Variants in ABCC11 observed in about 807,000 individuals in gnomAD.
The protein encoded by ABCC11 is ATP binding cassette subfamily C member 11.
In ABCC11, 135 loss-of-function variants were observed where a neutral mutation model predicts 149.3. The ratio of observed to expected loss-of-function variants is 0.90; its 90% CI spans 0.79 to 1.04. The LOEUF is 1.04. Ranked by LOEUF, ABCC11 falls within the 50% of genes least tolerant of loss-of-function variation. ABCC11 has a pLI of 0.00. For synonymous variants in ABCC11, 665 were observed against 671.4 expected (o/e 0.99, Z 0.15); for missense variants, 1,680 against 1,722.1 (o/e 0.98, Z 0.43).
Position 48,177,012 on chromosome 16 carries a change from G to A in ABCC11, c.3450C>T (p.Tyr1150=). ...EIIFQDYHMK[Y]RDNTPTVLHG... ...GAAGCACGGTGGGTGTGTTGTCTCTGTATTTCATGTGATAATCCTGAAATA... is the reference window on the plus strand; with the variant it reads ...GAAGCACGGTGGGTGTGTTGTCTCTATATTTCATGTGATAATCCTGAAATA... The change falls in exon 25 of 30, where the codon TAC becomes TAT. Residue 1150 remains tyrosine, a synonymous_variant. Coordinates refer to ENST00000356608, the MANE Select transcript of ABCC11 (RefSeq NM_001370497.1). 6.2e-7 allele frequency: 1 copy of A among 1,614,202 alleles called. No individual in the cohort carries two copies. The highest frequency in any genetic ancestry group is 8.5e-7 in the Non-Finnish European group (1 of 1,180,030).
At chr16:48,240,101 C>G (rs112433800) in intron 1 of ABCC11, among the ~76,000 whole-genome samples, 1 of 152,042 alleles carries the variant, frequency 6.6e-6, no homozygotes, top group African/African-American at 2.4e-5. Flanking sequence ...TTGACCATTG[C>G]GGAAGACAGT....
At chr16:48,175,096 C>A (rs1182075541) in intron 26 of ABCC11, among the ~76,000 whole-genome samples, 162 bp downstream of exon 26, 1 of 152,264 alleles carries the variant, frequency 6.6e-6, no homozygotes, top group Non-Finnish European at 1.5e-5. Context: ...TAATCCTCAA[C>A]AGTACTTCAG....
intron 17 of ABCC11, 133 bp downstream of exon 17, chr16:48,197,838 G>T: frequency 1.1e-6 from 1 of 924,180 alleles, no homozygotes; most frequent in Non-Finnish European, 1.6e-6. Context: ...TCTGGAACCT[G>T]TGTATGTAAA....
In ABCC11 at chr16:48,215,198, T is replaced by C; in HGVS notation, c.1098A>G (p.Glu366=). ...TWEKPFAKII[E]DLRRKERKLL... ...AGCAGAAAGTCAGACTTTCCATACC[T>C]TCAATGATTTTTGCAAATGGTTTCT... The change falls in exon 8 of 30, where the codon GAA becomes GAG. Residue 366 remains glutamate, a splice_region_variant and synonymous_variant. Transcript: ENST00000356608. 2 of 1,607,646 alleles carry C rather than the reference T, an allele frequency of 1.2e-6. No homozygotes were observed. The highest frequency in any genetic ancestry group is 1.7e-4 in the Middle Eastern group (1 of 6,050).
Position 48,237,990 on chromosome 16 carries a change from G to A in ABCC11, c.-18-6051C>T, listed in dbSNP as rs534785318. ...TTCCTTATTTCTTTCCTTGCTTATT[G>A]TTTGTTTTTCCCACTAGAATGTCAG... On this transcript the variant is annotated intron_variant, in intron 1 of 29. Coordinates refer to ENST00000356608, the MANE Select transcript of ABCC11 (RefSeq NM_001370497.1). 3.9e-5 allele frequency among the ~76,000 whole-genome samples: 6 copies of A among 152,268 alleles called. No individual in the cohort carries two copies. The East Asian group carries it at 1.2e-3, about 29-fold the overall frequency.
At chr16:48,217,519 C>A (rs1008989603) in intron 6 of ABCC11, among the ~76,000 whole-genome samples, 9 of 152,150 alleles carry the variant, frequency 5.9e-5, no homozygotes, top group Non-Finnish European at 1.3e-4. Context: ...TTACTTGAGC[C>A]CGGCAGATCA....
intron 1 of ABCC11, among the ~76,000 whole-genome samples, chr16:48,238,915 C>T (rs4325548): frequency 0.14 from 16,469 of 120,078 alleles, 1,250 homozygotes; most frequent in African/African-American, 0.25. Context: ...CCAGCCTGGG[C>T]GACAGAGGAG....
At chr16:48,184,748 A>C in intron 22 of ABCC11, 122 bp from the exon 23 acceptor site, 1 of 1,039,390 alleles carries the variant, frequency 9.6e-7, no homozygotes, top group East Asian at 2.6e-5. Context: ...GCAGGGCCTG[A>C]TTTTTCTTTG....
chr16:48,187,293 C>G lies in ABCC11; in HGVS notation c.2841G>C (p.Met947Ile). 1 of 1,614,176 alleles carries G rather than the reference C, an allele frequency of 6.2e-7. No homozygotes were observed. The highest frequency in any genetic ancestry group is 1.1e-5 in the South Asian group (1 of 91,084). Residue 947 changes from methionine to isoleucine, a missense_variant, in exon 21 of 30, where the codon ATG becomes ATC. Physicochemically the swap from Met to Ile is conservative, Grantham distance 10 (BLOSUM62 1). Transcript: ENST00000356608. ...TGACAATCAACAGGACGGCGATCAC[C>G]ATTAAGGACAGGACCAGGAACTGCT... ...FSEQFLVLSL[M>I]VIAVLLIVSV...
In ABCC11 at chr16:48,174,184, A is replaced by G. The variant is rs553402638; in HGVS notation, c.3698+1074T>C. 3.8e-4 allele frequency among the ~76,000 whole-genome samples: 58 copies of G among 152,320 alleles called. 1 individual carries two copies. The highest frequency in any genetic ancestry group is 1.6e-3 in the Admixed American group (24 of 15,302). On this transcript the variant is annotated intron_variant, in intron 26 of 29. Transcript: ENST00000356608. ...GTGATTTATTGGGTCTTACCCCTGT[A>G]CAAAACCATCTTCCCCACCCACACT...
At chr16:48,229,621 C>T (rs973507273) in intron 3 of ABCC11, among the ~76,000 whole-genome samples, 1 of 149,376 alleles carries the variant, frequency 6.7e-6, no homozygotes, top group African/African-American at 2.5e-5. Context: ...CCTGCCACCG[C>T]ACCCGGCTAA....
At chr16:48,205,591 G>T in intron 12 of ABCC11, 54 bp from the exon 13 acceptor site, 1 of 1,593,120 alleles carries the variant, frequency 6.3e-7, no homozygotes, top group South Asian at 1.1e-5. Context: ...GACAGAGCCT[G>T]CCTGGCTCAG....
At chr16:48,237,688 C>T (rs759173194) in intron 1 of ABCC11, among the ~76,000 whole-genome samples, 7 of 152,152 alleles carry the variant, frequency 4.6e-5, no homozygotes, top group Non-Finnish European at 8.8e-5. Flanking sequence ...CCTACAGAGC[C>T]CTCTATAATC....
At chr16:48,179,148 T>C (rs965811957) in intron 23 of ABCC11, among the ~76,000 whole-genome samples, 8 of 152,224 alleles carry the variant, frequency 5.3e-5, no homozygotes, top group Non-Finnish European at 2.9e-5. Context: ...CCCAGGACAG[T>C]TGAGCCCTAG....
In ABCC11 at chr16:48,200,257, G is replaced by A. The variant is rs374183396; in HGVS notation, c.2082+19C>T. ...ACGTTATCCGTCAATCACAGTCAGA[G>A]CCCTGGAAGGGTGCTAACCTGCAGC... On this transcript the variant is annotated intron_variant, in intron 15 of 29. Coordinates refer to ENST00000356608, the MANE Select transcript of ABCC11 (RefSeq NM_001370497.1). The A allele has an allele frequency of 1.9e-6, 3 of 1,610,796 alleles. No individual in the cohort carries two copies. The highest frequency in any genetic ancestry group is 2.5e-6 in the Non-Finnish European group (3 of 1,177,572).
At chr16:48,227,766 T>C in intron 4 of ABCC11, 40 bp downstream of exon 4, 3 of 1,612,786 alleles carry the variant, frequency 1.9e-6, no homozygotes, top group Non-Finnish European at 2.5e-6. Flanking sequence ...CAAGAGATTG[T>C]CTTTTAACCT....
intron 23 of ABCC11, among the ~76,000 whole-genome samples, chr16:48,179,405 C>T (rs535055859): frequency 2.4e-4 from 36 of 152,320 alleles, no homozygotes; most frequent in African/African-American, 6.7e-4. Context: ...TCCACAGAAA[C>T]GTCTAGAAGC....
intron 12 of ABCC11, 116 bp from the exon 13 acceptor site, chr16:48,205,653 T>C (rs1968377249): frequency 9.5e-6 from 13 of 1,362,162 alleles, no homozygotes; most frequent in Non-Finnish European, 1.3e-5. Context: ...GGGGCTCTCC[T>C]AGGTAAAAGG....
At chr16:48,244,748 C>T (rs1971255298) in intron 1 of ABCC11, 4 of 579,688 alleles carry the variant, frequency 6.9e-6, no homozygotes, top group Non-Finnish European at 1.1e-5. Flanking sequence ...GGTTCCGCCT[C>T]TCTGGTGCTA....
Sources: gnomAD v4.1 joint callset for allele counts (sites outside exome capture counted in the v4.1 genomes callset) on GRCh38, gnomAD v4.1.1 for gene constraint, MANE v1.5 for transcripts, NCBI Gene and HGNC (gene_info 2026-07-23, HGNC 2026-07-21) for gene names.